Variants in E2F3 observed in about 807,000 individuals in gnomAD.
E2F3 encodes transcription factor E2F3.
In E2F3, 11 loss-of-function variants were observed where a neutral mutation model predicts 44.4. The ratio of observed to expected loss-of-function variants is 0.25; its 90% CI spans 0.16 to 0.41. The LOEUF is 0.41. E2F3 is among the 10% of genes least tolerant of loss of function. E2F3 has a pLI of 1.00. For synonymous variants in E2F3, 249 were observed against 253.0 expected (o/e 0.98, Z 0.15); for missense variants, 487 against 583.6 (o/e 0.83, Z 1.70).
chr6:20,465,909 C>T (rs1037672946), intron 1 of E2F3, among the ~76,000 whole-genome samples: 6 of 152,196 alleles, frequency 3.9e-5, no homozygotes, highest in South Asian at 2.1e-4. Flanking sequence ...TATAAACATG[C>T]GTGTGCAAAT....
chr6:20,453,172 C>T (rs1409182826), intron 1 of E2F3, among the ~76,000 whole-genome samples: 1 of 151,930 alleles, frequency 6.6e-6, no homozygotes, highest in Non-Finnish European at 1.5e-5. Context: ...TTTATCATTT[C>T]CTTTAGTATT....
At position 20,402,005 on chromosome 6, in the gene E2F3, C is replaced by T. The variant is rs1189517729; in HGVS notation, c.-228C>T. ...GACGCCTCCATCCCCGCTTGGGGCC[C>T]GATATCCGTGCGGCCGGGACCCTCC... On this transcript the variant is annotated 5_prime_UTR_variant, in exon 1 of 7. Coordinates refer to ENST00000346618, the MANE Select transcript of E2F3 (RefSeq NM_001949.5). This position sits in a 1 kb window ranked among gnomAD's most constrained non-coding sequence, Gnocchi z 5.6. The T allele has an allele frequency of 7.6e-6, 5 of 661,948 alleles. No individual in the cohort carries two copies. The highest frequency in any genetic ancestry group is 1.1e-5 in the Non-Finnish European group (5 of 454,314). The allele number at this position is 661,948 out of a possible 1,614,324, so 41.0% of individuals were successfully genotyped here.
intron 1 of E2F3, among the ~76,000 whole-genome samples, chr6:20,405,618 A>T (rs1759469776): frequency 6.6e-6 from 1 of 152,106 alleles, no homozygotes; most frequent in Non-Finnish European, 1.5e-5. Context: ...CGGTCAAGAG[A>T]TCCAGACCAT....
chr6:20,440,554 A>G (rs1429569367), intron 1 of E2F3, among the ~76,000 whole-genome samples: 2 of 152,218 alleles, frequency 1.3e-5, no homozygotes, highest in Non-Finnish European at 2.9e-5. Context: ...TAGGAAGTCA[A>G]TGATACCAGT....
chr6:20,431,049 A>G (rs1760383242), intron 1 of E2F3, among the ~76,000 whole-genome samples: 1 of 152,138 alleles, frequency 6.6e-6, no homozygotes, highest in South Asian at 2.1e-4. Flanking sequence ...AAAGAATTAG[A>G]TTATCTTTGG....
At chr6:20,477,528 G>T (rs913182616) in intron 1 of E2F3, among the ~76,000 whole-genome samples, 1 of 152,034 alleles carries the variant, frequency 6.6e-6, no homozygotes, top group Non-Finnish European at 1.5e-5. Context: ...TTTCCCTTAT[G>T]ATCTAAAGCC....
At chr6:20,478,963 C>T (rs966213828) in intron 1 of E2F3, among the ~76,000 whole-genome samples, 2 of 152,220 alleles carry the variant, frequency 1.3e-5, no homozygotes, top group Non-Finnish European at 2.9e-5. Context: ...GCTTAACCAT[C>T]TATCTTTTCT....
chr6:20,481,717 C>T (rs1177769415), intron 3 of E2F3, among the ~76,000 whole-genome samples: 9 of 152,108 alleles, frequency 5.9e-5, no homozygotes, highest in Admixed American at 5.2e-4. Context: ...GACTGCTGTT[C>T]ATCTGTTACA....
chr6:20,428,828 G>C (rs919895522), intron 1 of E2F3, among the ~76,000 whole-genome samples: 2 of 152,098 alleles, frequency 1.3e-5, no homozygotes, highest in Non-Finnish European at 2.9e-5. Flanking sequence ...TGCAAATTTC[G>C]TTGCAGCTTT....
intron 1 of E2F3, among the ~76,000 whole-genome samples, chr6:20,422,443 GAGT>G (rs1760059969): frequency 1.3e-5 from 2 of 152,174 alleles, no homozygotes; most frequent in African/African-American, 4.8e-5. Flanking sequence ...TGTGTTCATG[GAGT>G]ACCATGTTTA....
At chr6:20,453,889 T>A (rs1161050775) in intron 1 of E2F3, among the ~76,000 whole-genome samples, 9 of 152,208 alleles carry the variant, frequency 5.9e-5, no homozygotes, top group South Asian at 2.1e-4. Flanking sequence ...ATGTTTCAGT[T>A]CTCTTTTTAA....
chr6:20,487,604 T>C (rs1004837119), intron 5 of E2F3, among the ~76,000 whole-genome samples: 1 of 152,144 alleles, frequency 6.6e-6, no homozygotes, highest in African/African-American at 2.4e-5. Flanking sequence ...TTGTAATAAT[T>C]TGCAGAAAAA....
At chr6:20,433,311 C>T (rs1760466860) in intron 1 of E2F3, among the ~76,000 whole-genome samples, 2 of 152,102 alleles carry the variant, frequency 1.3e-5, no homozygotes, top group Non-Finnish European at 2.9e-5. Context: ...TAGTTAGATC[C>T]CAGGAATCAA....
Position 20,409,389 on chromosome 6 carries a change from C to T in E2F3, c.393+6764C>T, listed in dbSNP as rs559916678. 5.9e-5 allele frequency among the ~76,000 whole-genome samples: 9 copies of T among 152,290 alleles called. No homozygotes were observed. The East Asian group carries it at 7.7e-4, about 13-fold the overall frequency. On this transcript the variant is annotated intron_variant, in intron 1 of 6. Coordinates refer to ENST00000346618, the MANE Select transcript of E2F3 (RefSeq NM_001949.5). Reference sequence around the variant, plus strand: ...TATTTTTAAAGATTTATTTGATATTCGCAAATTTGTCTTCTGTGGTTATAT... The same window carrying T: ...TATTTTTAAAGATTTATTTGATATTTGCAAATTTGTCTTCTGTGGTTATAT...
chr6:20,454,890 T>C (rs925639768), intron 1 of E2F3, among the ~76,000 whole-genome samples: 1 of 152,192 alleles, frequency 6.6e-6, no homozygotes, highest in Non-Finnish European at 1.5e-5. Flanking sequence ...TTTCTGGACA[T>C]TAGACTCCAC....
At chr6:20,437,480 CT>C (rs56864400) in intron 1 of E2F3, among the ~76,000 whole-genome samples, 5,503 of 145,694 alleles carry the variant, frequency 0.038, 191 homozygotes, top group African/African-American at 0.095. Flanking sequence ...AAAGAATTGT[CT>C]TTTTTTTTTC....
chr6:20,417,827 A>G (rs766020823), intron 1 of E2F3, among the ~76,000 whole-genome samples: 12 of 152,118 alleles, frequency 7.9e-5, no homozygotes, highest in Non-Finnish European at 1.6e-4. Flanking sequence ...GTTCTGTTAT[A>G]TATAGTCCAG....
At chr6:20,425,424 T>A (rs1341577436) in intron 1 of E2F3, among the ~76,000 whole-genome samples, 3 of 150,866 alleles carry the variant, frequency 2.0e-5, no homozygotes, top group Admixed American at 6.6e-5. Flanking sequence ...AGTCTCGCTC[T>A]GTCACCCAGG....
rs527785135 is a variant in E2F3 at position 20,490,179 on chromosome 6, A to G, written c.1147A>G (p.Thr383Ala). The change falls in exon 7 of 7, where the codon ACC (threonine) becomes GCC (alanine). Residue 383 changes from threonine to alanine, a missense_variant. Physicochemically the swap from Thr to Ala is moderately conservative, Grantham distance 58. Transcript: ENST00000346618. This position sits in a 1 kb window ranked among gnomAD's most constrained non-coding sequence, Gnocchi z 4.3. ...PKPASKDLAS[T>A]NSGHSDCSVS... ...TGTTTTCTTTTCAGACTTGGCTTCA[A>G]CCAACTCAGGACATAGCGATTGCTC... 6.4e-7 allele frequency: 1 copy of G among 1,570,690 alleles called. No individual in the cohort carries two copies. The highest frequency in any genetic ancestry group is 1.4e-5 in the African/African-American group (1 of 73,044).
Sources: allele counts gnomAD v4.1 joint callset (sites outside exome capture counted in the v4.1 genomes callset), GRCh38; gene constraint gnomAD v4.1.1; non-coding constraint Gnocchi (gnomAD v3.1); transcripts MANE v1.5; gene names NCBI Gene and HGNC (gene_info 2026-07-23, HGNC 2026-07-21).